NYAP2: variants seen among roughly 807,000 people sequenced by gnomAD.
NYAP2 encodes neuronal tyrosine-phosphorylated phosphoinositide-3-kinase adapter 2.
Under a neutral mutation model 50.4 loss-of-function variants are expected in NYAP2, and 23 were observed. The observed-to-expected ratio is 0.46, with a 90% confidence interval of 0.33 to 0.65. The LOEUF (loss-of-function observed/expected upper bound fraction) is 0.65. NYAP2 is among the 30% of genes least tolerant of loss of function. NYAP2 has a pLI of 0.02. For synonymous variants in NYAP2, 394 were observed against 365.2 expected (o/e 1.08, Z -0.90); for missense variants, 885 against 861.0 (o/e 1.03, Z -0.35).
At chr2:225,564,755 C>T (rs1691934346) in intron 4 of NYAP2, among the ~76,000 whole-genome samples, 1 of 151,992 alleles carries the variant, frequency 6.6e-6, no homozygotes, top group South Asian at 2.1e-4. Context: ...GAAATATTCT[C>T]TATTTTTTTA....
At chr2:225,596,684 G>T (rs1334987378) in intron 5 of NYAP2, among the ~76,000 whole-genome samples, 1 of 152,130 alleles carries the variant, frequency 6.6e-6, no homozygotes, top group Non-Finnish European at 1.5e-5. Context: ...TCTGAGCTTT[G>T]TAGAGAATGC....
At chr2:225,702,212 A>C in the NYAP2 span, 1 of 151,792 alleles carries the variant, frequency 6.6e-6, no homozygotes, top group African/African-American at 2.4e-5. Context: ...TGGAAATAAA[A>C]GAAAAATGGT....
At chr2:225,435,881 T>C (rs1165549117) in intron 3 of NYAP2, among the ~76,000 whole-genome samples, 2 of 152,200 alleles carry the variant, frequency 1.3e-5, no homozygotes, top group African/African-American at 4.8e-5. Flanking sequence ...AATTTTTGGC[T>C]CCATCTCTCA....
chr2:225,585,209 A>AT (rs35943904), intron 5 of NYAP2, among the ~76,000 whole-genome samples: 1 of 152,220 alleles, frequency 6.6e-6, no homozygotes, highest in African/African-American at 2.4e-5. Context: ...AAGAGAAAAT[A>AT]TTTTTTAAAC....
intron 2 of NYAP2, among the ~76,000 whole-genome samples, chr2:225,401,625 A>G (rs1243191150): frequency 1.3e-5 from 2 of 152,008 alleles, no homozygotes; most frequent in African/African-American, 4.8e-5. Context: ...ATCACAATAA[A>G]TATTTTCTGT....
At chr2:225,481,997 AC>A (rs1690214380) in intron 3 of NYAP2, among the ~76,000 whole-genome samples, 2 of 152,188 alleles carry the variant, frequency 1.3e-5, no homozygotes, top group Non-Finnish European at 2.9e-5. Flanking sequence ...GTGATGATTA[AC>A]AAAAAGCAAT....
chr2:225,665,587 AC>A, the NYAP2 span, among the ~76,000 whole-genome samples: 2 of 148,576 alleles, frequency 1.3e-5, no homozygotes, highest in Non-Finnish European at 3.0e-5. Context: ...TTTTTTTGAG[AC>A]CAAAAAAAAA....
chr2:225,553,228 C>A (rs566949958), intron 4 of NYAP2, among the ~76,000 whole-genome samples: 1 of 152,318 alleles, frequency 6.6e-6, no homozygotes, highest in East Asian at 1.9e-4. Context: ...GAAACTGGAA[C>A]CAAATGCTAC....
intron 3 of NYAP2, among the ~76,000 whole-genome samples, chr2:225,463,569 A>G (rs995718170): frequency 7.9e-5 from 12 of 152,264 alleles, no homozygotes; most frequent in African/African-American, 1.2e-4. Context: ...GTGAAAAACA[A>G]ATACAAAAAT....
At chr2:225,584,633 A>G (rs1692359572) in intron 5 of NYAP2, among the ~76,000 whole-genome samples, 1 of 152,240 alleles carries the variant, frequency 6.6e-6, no homozygotes, top group Non-Finnish European at 1.5e-5. Flanking sequence ...TTGATGATGA[A>G]AATGACAATG....
At chr2:225,518,738 G>A (rs1690988413) in intron 4 of NYAP2, among the ~76,000 whole-genome samples, 1 of 147,652 alleles carries the variant, frequency 6.8e-6, no homozygotes, top group African/African-American at 2.5e-5. Flanking sequence ...AAATAAATAG[G>A]CCAGGCATGG....
intron 4 of NYAP2, among the ~76,000 whole-genome samples, chr2:225,524,759 A>G (rs568515890): frequency 2.0e-5 from 3 of 152,300 alleles, no homozygotes; most frequent in Admixed American, 6.5e-5. Flanking sequence ...GACTTAAACT[A>G]AAAAGCTTTT....
chr2:225,657,234 T>C (rs1445001161), downstream of NYAP2, among the ~76,000 whole-genome samples: 1 of 151,040 alleles, frequency 6.6e-6, no homozygotes, highest in African/African-American at 2.4e-5. Flanking sequence ...CTCAGACTCC[T>C]GTGTAGCAGA....
At chr2:225,422,743 G>A (rs1695235239) in intron 3 of NYAP2, among the ~76,000 whole-genome samples, 1 of 152,126 alleles carries the variant, frequency 6.6e-6, no homozygotes, top group Non-Finnish European at 1.5e-5. Context: ...CCTTCAGGTG[G>A]AAACTCTCAG....
At chr2:225,536,268 T>C (rs1234728128) in intron 4 of NYAP2, among the ~76,000 whole-genome samples, 1 of 152,156 alleles carries the variant, frequency 6.6e-6, no homozygotes, top group African/African-American at 2.4e-5. Flanking sequence ...CGCTACCACA[T>C]GGTAGGCAGC....
the NYAP2 span, among the ~76,000 whole-genome samples, chr2:225,681,239 T>A: frequency 2.0e-5 from 3 of 152,196 alleles, no homozygotes; most frequent in East Asian, 5.8e-4. Flanking sequence ...TTCAGGCTCA[T>A]AGCTGAGAGG....
At chr2:225,465,003 A>T (rs1006809117) in intron 3 of NYAP2, among the ~76,000 whole-genome samples, 12 of 152,238 alleles carry the variant, frequency 7.9e-5, no homozygotes, top group Admixed American at 7.9e-4. Context: ...AAAAGTTATG[A>T]GTATTTTCGT....
At chr2:225,528,460 G>T (rs1691194833) in intron 4 of NYAP2, among the ~76,000 whole-genome samples, 1 of 152,092 alleles carries the variant, frequency 6.6e-6, no homozygotes, top group Non-Finnish European at 1.5e-5. Flanking sequence ...ATTTCCTTTG[G>T]CTTCACATGT....
chr2:225,592,472 A>G (rs1045781695), intron 5 of NYAP2, among the ~76,000 whole-genome samples: 1 of 152,210 alleles, frequency 6.6e-6, no homozygotes, highest in Non-Finnish European at 1.5e-5. Context: ...GGTACTATGT[A>G]CTTGACAGAA....
Sources: allele counts gnomAD v4.1 joint callset (sites outside exome capture counted in the v4.1 genomes callset), GRCh38; gene constraint gnomAD v4.1.1; transcripts MANE v1.5; gene names NCBI Gene and HGNC (gene_info 2026-07-23, HGNC 2026-07-21).